The following MMACHC variants were observed in gnomAD, a reference collection of about 807,000 sequenced individuals.
The protein encoded by MMACHC is cyanocobalamin reductase / alkylcobalamin dealkylase.
Under a neutral mutation model 17.6 loss-of-function variants are expected in MMACHC, and 14 were observed. The ratio of observed to expected loss-of-function variants is 0.80; its 90% CI spans 0.53 to 1.25. MMACHC has a LOEUF of 1.25. Among genes scored for constraint, MMACHC ranks in the 50% most tolerant of loss-of-function variants. The pLI is 0.00. For missense variants in MMACHC, 392 were observed against 364.5 expected (o/e 1.08, Z -0.62); for synonymous variants, 151 against 142.1 (o/e 1.06, Z -0.45).
rs1163255187 is a variant in MMACHC at position 45,508,307 on chromosome 1, T to C, written c.372T>C (p.Ala124=). ...TGGCCCAGACAGCAGCCCATGTAGC[T>C]GGGGCTGCTTACTACTACCAACGAC... ...KILAQTAAHV[A]GAAYYYQRQD... Residue 124 remains alanine (A), a synonymous_variant, in exon 3 of 4, where the codon GCT becomes GCC. Transcript: ENST00000401061. 4 of 1,614,118 alleles carry C rather than the reference T, an allele frequency of 2.5e-6. No individual in the cohort carries two copies. Among genetic ancestry groups the C allele is most frequent in the Admixed American group, 1.7e-5 (1 of 60,014 alleles).
chr1:45,506,230 G>A (rs1211055105), intron 1 of MMACHC, among the ~76,000 whole-genome samples: 1 of 152,178 alleles, frequency 6.6e-6, no homozygotes, highest in Non-Finnish European at 1.5e-5. Flanking sequence ...TCCCTCTCAG[G>A]CTTGGCTGCA....
rs1361477590 is a variant in MMACHC, at chr1:45,511,331, A to C, written c.*2116A>C. 6.2e-7 allele frequency: 1 copy of C among 1,610,200 alleles called. No individual in the cohort carries two copies. The highest frequency in any genetic ancestry group is 8.5e-7 in the Non-Finnish European group (1 of 1,178,048). Reference sequence around the variant, plus strand: ...CTGGCACTAAAACAGCCCAGCGCTCACTTCTGCTTGGAGAAATATTCTTTG... The same window carrying C: ...CTGGCACTAAAACAGCCCAGCGCTCCCTTCTGCTTGGAGAAATATTCTTTG... On this transcript the variant is annotated 3_prime_UTR_variant, in exon 4 of 4. Coordinates refer to ENST00000401061, the MANE Select transcript of MMACHC (RefSeq NM_015506.3).
At position 45,508,982 on chromosome 1, in the gene MMACHC, C is replaced by T. The variant is rs538023671; in HGVS notation, c.616C>T (p.Arg206Trp). The T allele has an allele frequency of 6.8e-6, 11 of 1,614,050 alleles. No homozygotes were observed. Among genetic ancestry groups the T allele is most frequent in the Middle Eastern group, 1.6e-4 (1 of 6,084 alleles). Reference sequence around the variant, plus strand: ...TTTCCACTGGCGTGATTGGACTTACCGGGATGCTGTGACACCCCAGGAGCG... The same window carrying T: ...TTTCCACTGGCGTGATTGGACTTACTGGGATGCTGTGACACCCCAGGAGCG... ...FNFHWRDWTY[R>W]DAVTPQERYS... The change falls in exon 4 of 4, where the codon CGG (arginine) becomes TGG (tryptophan). Residue 206 changes from arginine (R) to tryptophan (W), a missense_variant. Transcript: ENST00000401061.
rs1643752930 is a variant in MMACHC, at chr1:45,511,817, C to G, written c.*2602C>G. On this transcript the variant is annotated 3_prime_UTR_variant, in exon 4 of 4. Transcript: ENST00000401061. ...TCTGAAGACAGCAAACTCAGTCTGC[C>G]TTCTCAGCATTCTTCTAACTCTACC... 6.5e-6 allele frequency: 1 copy of G among 154,774 alleles called. No individual in the cohort carries two copies. The highest frequency in any genetic ancestry group is 1.4e-5 in the Non-Finnish European group (1 of 69,952). The allele number at this position is 154,774 out of a possible 1,614,324, so 9.6% of individuals were successfully genotyped here. A position where few individuals can be genotyped will look rare whatever the true frequency, so the allele number is the denominator to read the frequency against.
In MMACHC at chr1:45,505,373, G is replaced by A. The variant is rs188349331; in HGVS notation, c.82-1983G>A. Among the ~76,000 whole-genome samples, 40 of 152,204 alleles carry A rather than the reference G, an allele frequency of 2.6e-4. No individual in the cohort carries two copies. The East Asian group carries it at 6.6e-3, about 25-fold the overall frequency. On this transcript the variant is annotated intron_variant, in intron 1 of 3. Coordinates refer to ENST00000401061, the MANE Select transcript of MMACHC (RefSeq NM_015506.3). ...TGAGACAGGAAAATCACTTGAACCCGGGAGGTGGAGATTGCAATAAGCCGA... is the reference window on the plus strand; with the variant it reads ...TGAGACAGGAAAATCACTTGAACCCAGGAGGTGGAGATTGCAATAAGCCGA...
chr1:45,503,015 C>A (rs541200747), intron 1 of MMACHC, among the ~76,000 whole-genome samples: 82 of 152,244 alleles, frequency 5.4e-4, no homozygotes, highest in Admixed American at 6.5e-4. Context: ...ACAAGGAAGC[C>A]TTTTCTAATT....
chr1:45,508,847 C>A lies in MMACHC; in HGVS notation c.481C>A (p.Arg161=), dbSNP rs370596113. 1.1e-5 allele frequency: 18 copies of A among 1,614,020 alleles called. No homozygotes were observed. In the Admixed American group the frequency reaches 3.0e-4, roughly 27 times the overall value. Residue 161 remains arginine (R), a synonymous_variant, in exon 4 of 4, where the codon CGA becomes AGA. Transcript: ENST00000401061. ...HPRFGGWFAI[R]GVVLLPGIEV... ...CCGATTTGGGGGCTGGTTTGCCATC[C>A]GAGGGGTAGTGCTGCTGCCAGGGAT...
intron 1 of MMACHC, among the ~76,000 whole-genome samples, chr1:45,502,865 C>T (rs1209626741): frequency 3.3e-5 from 5 of 151,994 alleles, no homozygotes; most frequent in Admixed American, 6.6e-5. Context: ...CCAACATACC[C>T]GGCTAATTTT....
At chr1:45,505,355 G>A (rs1483400502) in intron 1 of MMACHC, among the ~76,000 whole-genome samples, 1 of 152,084 alleles carries the variant, frequency 6.6e-6, no homozygotes, top group Non-Finnish European at 1.5e-5. Context: ...GGCTGAGACA[G>A]GAAAATCACT....
chr1:45,502,138 C>T (rs572858993), intron 1 of MMACHC, among the ~76,000 whole-genome samples: 20 of 152,240 alleles, frequency 1.3e-4, no homozygotes, highest in South Asian at 8.3e-4. Flanking sequence ...AATCTCACTC[C>T]TATTGATCTC....
At chr1:45,506,049 T>G (rs1052142653) in intron 1 of MMACHC, among the ~76,000 whole-genome samples, 6 of 152,352 alleles carry the variant, frequency 3.9e-5, no homozygotes, top group African/African-American at 1.4e-4. Context: ...TATAACCCCT[T>G]GATCTTCAGT....
intron 3 of MMACHC, 81 bp from the exon 4 acceptor site, chr1:45,508,715 C>A (rs1643674805): frequency 1.4e-6 from 2 of 1,476,870 alleles, no homozygotes; most frequent in Non-Finnish European, 1.8e-6. Flanking sequence ...GGGAAGTGAA[C>A]AGGCCTAGCT....
chr1:45,508,514 C>T (rs1051010080), intron 3 of MMACHC, 150 bp downstream of exon 3: 22 of 995,476 alleles, frequency 2.2e-5, no homozygotes, highest in South Asian at 3.3e-5. Context: ...CTGTCACATG[C>T]GGTTGTCTAA....
chr1:45,506,383 C>A (rs917609307), intron 1 of MMACHC, among the ~76,000 whole-genome samples: 1 of 152,198 alleles, frequency 6.6e-6, no homozygotes, highest in Non-Finnish European at 1.5e-5. Context: ...AGTGCGTTGA[C>A]AGCCACTTTG....
intron 1 of MMACHC, among the ~76,000 whole-genome samples, chr1:45,506,993 CCT>C (rs1463401554): frequency 2.0e-5 from 3 of 151,674 alleles, no homozygotes; most frequent in Admixed American, 6.6e-5. Flanking sequence ...ATGGCGAAAC[CCT>C]GTCTCTACTA....
Position 45,509,025 on chromosome 1 carries a change from AG to A in MMACHC, c.661del (p.Ala221ProfsTer70). 1 of 1,614,138 alleles carries A rather than the reference AG, an allele frequency of 6.2e-7. No homozygotes were observed. Among genetic ancestry groups the A allele is most frequent in the Non-Finnish European group, 8.5e-7 (1 of 1,180,038 alleles). On this transcript the variant is annotated frameshift_variant, in exon 4 of 4. Transcript: ENST00000401061. LOFTEE classifies it low-confidence loss of function (END_TRUNC). The stretch of plus-strand genomic sequence containing the variant: ...CAGGAGCGCTACTCAGAAGAGCAGA[AG>A]GCCTACTTCTCCACTCCACCTGCCC... ...TPQERYSEEQ[K>X]AYFSTPPAQR...
chr1:45,501,428 T>G (rs1643543971), intron 1 of MMACHC, among the ~76,000 whole-genome samples: 1 of 152,040 alleles, frequency 6.6e-6, no homozygotes, highest in Admixed American at 6.6e-5. Context: ...GGAGAGGATA[T>G]AGAGGGAGAA....
chr1:45,507,601 G>C (rs1317153539), intron 2 of MMACHC, 51 bp downstream of exon 2: 1 of 1,592,072 alleles, frequency 6.3e-7, no homozygotes, highest in South Asian at 1.1e-5. Flanking sequence ...GCTGCCTCCA[G>C]TTCCTCCACA....
Position 45,511,332 on chromosome 1 carries a change from C to T in MMACHC, c.*2117C>T. 6.2e-7 allele frequency: 1 copy of T among 1,611,810 alleles called. No individual in the cohort carries two copies. ...TGGCACTAAAACAGCCCAGCGCTCA[C>T]TTCTGCTTGGAGAAATATTCTTTGC... On this transcript the variant is annotated 3_prime_UTR_variant, in exon 4 of 4. Coordinates refer to ENST00000401061, the MANE Select transcript of MMACHC (RefSeq NM_015506.3).
Sources: allele counts gnomAD v4.1 joint callset (sites outside exome capture counted in the v4.1 genomes callset), GRCh38; gene constraint gnomAD v4.1.1; transcripts MANE v1.5; gene names NCBI Gene and HGNC (gene_info 2026-07-23, HGNC 2026-07-21).